Variants in PHACTR1 observed in about 807,000 individuals in gnomAD.
PHACTR1 encodes the protein RPEL repeat containing 1.
PHACTR1 carries 16 observed loss-of-function variants against 69.2 expected under a neutral mutation model. The ratio of observed to expected loss-of-function variants is 0.23; its 90% CI spans 0.16 to 0.35. PHACTR1 has a LOEUF of 0.35. Among genes scored for constraint, PHACTR1 ranks in the 10% least tolerant of loss-of-function variants. The probability of loss-of-function intolerance (pLI) is 1.00; values close to 1 mark genes in which losing one functional copy is unlikely to be tolerated. For synonymous variants in PHACTR1, 312 were observed against 284.5 expected (o/e 1.10, Z -0.97); for missense variants, 510 against 734.7 (o/e 0.69, Z 3.54).
chr6:12,840,952 C>T (rs968157903), intron 4 of PHACTR1, among the ~76,000 whole-genome samples: 5 of 152,246 alleles, frequency 3.3e-5, no homozygotes, highest in African/African-American at 1.2e-4. Context: ...CGGTCACTCT[C>T]TCAGCCATGC....
chr6:13,016,242 T>C (rs895375194), intron 4 of PHACTR1, among the ~76,000 whole-genome samples: 1 of 152,236 alleles, frequency 6.6e-6, no homozygotes, highest in African/African-American at 2.4e-5. Context: ...GCCAAACAGA[T>C]TTCCCCGATG....
chr6:13,252,421 C>T (rs1201668857), intron 10 of PHACTR1, among the ~76,000 whole-genome samples: 5 of 151,922 alleles, frequency 3.3e-5, no homozygotes, highest in Non-Finnish European at 7.4e-5. Context: ...TTTGACTCTC[C>T]ATTTTCCATT....
intron 4 of PHACTR1, among the ~76,000 whole-genome samples, chr6:12,831,837 C>G (rs1047507936): frequency 2.6e-5 from 4 of 152,178 alleles, no homozygotes; most frequent in African/African-American, 9.6e-5. Context: ...CAGACACACA[C>G]ACAATTTTTA....
intron 4 of PHACTR1, among the ~76,000 whole-genome samples, chr6:13,050,260 C>T (rs1030792661): frequency 6.6e-6 from 1 of 152,192 alleles, no homozygotes; most frequent in African/African-American, 2.4e-5. Context: ...CTTGTCGTAG[C>T]TGTGTTGTTG....
rs531030227 is a variant in PHACTR1 at position 13,085,296 on chromosome 6, T to A, written c.415+31767T>A. Among the ~76,000 whole-genome samples the A allele has an allele frequency of 7.2e-5, 11 of 152,074 alleles. No homozygotes were observed. The East Asian group carries it at 2.1e-3, about 29-fold the overall frequency. ...TACTAAATCTTTTTGAAAATAATAC[T>A]GTGTTATTAAAATGTTATTCAAAAT... On this transcript the variant is annotated intron_variant, in intron 5 of 14. Transcript: ENST00000332995.
intron 8 of PHACTR1, chr6:13,214,136 G>T (rs1767313328): frequency 6.6e-6 from 1 of 151,838 alleles, no homozygotes; most frequent in Non-Finnish European, 1.5e-5. Flanking sequence ...CTCCGGATAT[G>T]CTGACCCCTG....
intron 4 of PHACTR1, among the ~76,000 whole-genome samples, chr6:12,796,917 G>A (rs1475849836): frequency 1.3e-5 from 2 of 152,062 alleles, no homozygotes; most frequent in Non-Finnish European, 2.9e-5. Flanking sequence ...TTAAGACTCA[G>A]AAATGTGCTA....
At chr6:12,766,600 C>A (rs1024643694) in intron 4 of PHACTR1, among the ~76,000 whole-genome samples, 2 of 152,188 alleles carry the variant, frequency 1.3e-5, no homozygotes, top group African/African-American at 4.8e-5. Flanking sequence ...ACACATACAC[C>A]ATGGAAGTCA....
At chr6:12,946,027 G>A (rs189553058) in intron 4 of PHACTR1, among the ~76,000 whole-genome samples, 17 of 150,900 alleles carry the variant, frequency 1.1e-4, no homozygotes, top group Non-Finnish European at 1.8e-4. Flanking sequence ...CCTCCAAGGC[G>A]GGGGTGGAAG....
chr6:12,820,596 C>G (rs1776093867), intron 4 of PHACTR1, among the ~76,000 whole-genome samples: 2 of 152,202 alleles, frequency 1.3e-5, no homozygotes, highest in Admixed American at 1.3e-4. Flanking sequence ...CTCTCATCCT[C>G]TCTTATCTTG....
chr6:13,286,360 C>T (rs752957551), intron 14 of PHACTR1, 138 bp downstream of exon 14: 90 of 685,754 alleles, frequency 1.3e-4, no homozygotes, highest in South Asian at 6.4e-4. Flanking sequence ...GGCAGGCATG[C>T]GGTTCCACTT....
chr6:12,849,697 C>A (rs916821607), intron 4 of PHACTR1, among the ~76,000 whole-genome samples: 2 of 152,130 alleles, frequency 1.3e-5, no homozygotes, highest in South Asian at 2.1e-4. Flanking sequence ...CATAAACCAT[C>A]ATCTGTGCAG....
intron 4 of PHACTR1, among the ~76,000 whole-genome samples, chr6:12,944,552 A>G (rs1388917968): frequency 1.3e-5 from 2 of 152,166 alleles, no homozygotes; most frequent in African/African-American, 4.8e-5. Context: ...ACTTTACTGA[A>G]AGAGTTGGGA....
intron 2 of PHACTR1, 176 bp from the exon 3 acceptor site, chr6:12,718,523 C>T: frequency 3.3e-6 from 1 of 305,256 alleles, no homozygotes; most frequent in Non-Finnish European, 6.0e-6. Flanking sequence ...CTAAATGCGG[C>T]ATTTTCTCAC....
intron 5 of PHACTR1, among the ~76,000 whole-genome samples, chr6:13,074,676 A>T (rs1482529703): frequency 6.6e-6 from 1 of 152,232 alleles, no homozygotes; most frequent in African/African-American, 2.4e-5. Flanking sequence ...AGGATGTACA[A>T]GGTTGTTTGT....
chr6:12,981,801 C>T (rs1283792089), intron 4 of PHACTR1, among the ~76,000 whole-genome samples: 1 of 152,178 alleles, frequency 6.6e-6, no homozygotes, highest in East Asian at 1.9e-4. Context: ...TAAATGTATG[C>T]CTCAGCGCAT....
chr6:12,894,891 C>T (rs1784502317), intron 4 of PHACTR1, among the ~76,000 whole-genome samples: 1 of 152,078 alleles, frequency 6.6e-6, no homozygotes, highest in African/African-American at 2.4e-5. Context: ...TAGATCCTTC[C>T]ATATTTTTAT....
intron 5 of PHACTR1, among the ~76,000 whole-genome samples, chr6:13,100,174 T>C (rs955022189): frequency 1.3e-5 from 2 of 152,172 alleles, no homozygotes; most frequent in Non-Finnish European, 2.9e-5. Flanking sequence ...AACATACAAA[T>C]TTATTTAATG....
chr6:13,189,801 T>C (rs1193445942), intron 7 of PHACTR1, among the ~76,000 whole-genome samples: 1 of 152,122 alleles, frequency 6.6e-6, no homozygotes, highest in African/African-American at 2.4e-5. Flanking sequence ...TTTTTAAAAG[T>C]TGTGTTATTC....
Sources: gnomAD v4.1 joint callset for allele counts (sites outside exome capture counted in the v4.1 genomes callset) on GRCh38, gnomAD v4.1.1 for gene constraint, MANE v1.5 for transcripts, NCBI Gene and HGNC (gene_info 2026-07-23, HGNC 2026-07-21) for gene names.